CWF19L2: variants seen among roughly 807,000 people sequenced by gnomAD.
CWF19L2 encodes CWF19-like protein 2.
CWF19L2 carries 98 observed loss-of-function variants against 111.7 expected under a neutral mutation model. That is an observed-to-expected ratio of 0.88 (90% CI 0.75 to 1.04). The LOEUF is 1.04. CWF19L2 is among the 50% of genes least tolerant of loss of function. The pLI, the probability that CWF19L2 is intolerant of heterozygous loss-of-function variation, is 0.00. For missense variants in CWF19L2, 1,101 were observed against 1,051.4 expected, an observed-to-expected ratio of 1.05 and a Z score of -0.65; for synonymous variants, 351 against 342.9, an observed-to-expected ratio of 1.02 and a Z score of -0.26.
intron 17 of CWF19L2, among the ~76,000 whole-genome samples, chr11:107,327,265 C>G (rs1859775528): frequency 6.6e-6 from 1 of 152,138 alleles, no homozygotes; most frequent in Admixed American, 6.6e-5. Context: ...TTAGCTGCAT[C>G]TCCTATCAAG....
intron 12 of CWF19L2, among the ~76,000 whole-genome samples, chr11:107,379,797 C>T (rs549227254): frequency 9.2e-5 from 14 of 152,164 alleles, no homozygotes; most frequent in East Asian, 1.9e-4. Context: ...CGGTGGCTCA[C>T]GCCTGTAATC....
chr11:107,353,641 G>C lies in CWF19L2; in HGVS notation c.1968C>G (p.Asn656Lys). Residue 656 changes from asparagine (N) to lysine (K), a missense_variant, in exon 13 of 18, where the codon AAC becomes AAG. Transcript: ENST00000282251. ...ERERLGEEEENQRKKAIAEHR... is the reference protein window; with the variant it reads ...ERERLGEEEEKQRKKAIAEHR... ...GCTCAGCAATAGCTTTTTTCCTTTG[G>C]TTCTCTTCCTCTTCACCAAGACGTT... 6.2e-7 allele frequency: 1 copy of C among 1,613,628 alleles called. No individual in the cohort carries two copies. The highest frequency in any genetic ancestry group is 8.5e-7 in the Non-Finnish European group (1 of 1,179,738).
intron 12 of CWF19L2, among the ~76,000 whole-genome samples, chr11:107,383,087 C>T (rs574859929): frequency 6.6e-6 from 1 of 152,336 alleles, no homozygotes; most frequent in East Asian, 1.9e-4. Context: ...TTATGATAAC[C>T]TTTATAATAA....
intron 11 of CWF19L2, among the ~76,000 whole-genome samples, chr11:107,390,577 G>A (rs190324852): frequency 1.1e-3 from 173 of 152,298 alleles, no homozygotes; most frequent in African/African-American, 3.9e-3. Flanking sequence ...CAGAAATGGA[G>A]TAAGTATATC....
At chr11:107,389,782 T>C (rs948257264) in intron 12 of CWF19L2, among the ~76,000 whole-genome samples, 1 of 152,162 alleles carries the variant, frequency 6.6e-6, no homozygotes, top group African/African-American at 2.4e-5. Flanking sequence ...AATCATTAAC[T>C]CTGGCTTAAC....
intron 10 of CWF19L2, among the ~76,000 whole-genome samples, chr11:107,403,100 T>C (rs1020431309): frequency 4.6e-5 from 7 of 151,134 alleles, no homozygotes; most frequent in African/African-American, 7.3e-5. Context: ...TTGGGGACTT[T>C]AGGGAAAGAG....
At chr11:107,340,522 T>C (rs1021003919) in intron 14 of CWF19L2, among the ~76,000 whole-genome samples, 7 of 152,224 alleles carry the variant, frequency 4.6e-5, no homozygotes, top group Non-Finnish European at 8.8e-5. Flanking sequence ...AATTAATCTA[T>C]ATGTCTATCC....
At chr11:107,443,765 T>G (rs1861665023) in intron 3 of CWF19L2, among the ~76,000 whole-genome samples, 1 of 152,148 alleles carries the variant, frequency 6.6e-6, no homozygotes, top group South Asian at 2.1e-4. Flanking sequence ...TTTTGAGATT[T>G]CCCTTGATCT....
chr11:107,362,067 G>GA (rs1200103097), intron 12 of CWF19L2, among the ~76,000 whole-genome samples: 4 of 152,108 alleles, frequency 2.6e-5, no homozygotes, highest in Non-Finnish European at 4.4e-5. Context: ...GGTGACGGAC[G>GA]CACCTGGAAA....
At chr11:107,356,781 T>C (rs1222935016) in intron 12 of CWF19L2, among the ~76,000 whole-genome samples, 1 of 152,226 alleles carries the variant, frequency 6.6e-6, no homozygotes, top group African/African-American at 2.4e-5. Flanking sequence ...CTCATGCCTG[T>C]AATCCCAGCA....
intron 10 of CWF19L2, chr11:107,404,370 TG>T: frequency 1.3e-6 from 1 of 789,198 alleles, no homozygotes; most frequent in Non-Finnish European, 2.3e-6. Context: ...CTGTACCTCA[TG>T]TAGGGCATCA....
rs558427324 is a variant in CWF19L2 at position 107,435,802 on chromosome 11, A to G, written c.665-2053T>C. 1.4e-4 allele frequency among the ~76,000 whole-genome samples: 21 copies of G among 152,286 alleles called. No individual in the cohort carries two copies. The East Asian group carries it at 3.5e-3, about 25-fold the overall frequency. ...AGTACCATCCCAAAATTCAATAAAA[A>G]AAAATTTAGTCAATATTTATTATGA... On this transcript the variant is annotated intron_variant, in intron 6 of 17. Transcript: ENST00000282251.
Position 107,431,352 on chromosome 11 carries a change from A to G in CWF19L2, c.781-1901T>C, listed in dbSNP as rs1039059189. 6.2e-4 allele frequency among the ~76,000 whole-genome samples: 94 copies of G among 152,108 alleles called. 1 individual carries two copies. Among genetic ancestry groups the G allele is most frequent in the African/African-American group, 2.2e-3 (92 of 41,576 alleles). ...AGAAAACATTTTTAAAATTCAATTT[A>G]TAATATAAAAAAATAAAAATAACCT... On this transcript the variant is annotated intron_variant, in intron 7 of 17. Transcript: ENST00000282251.
At position 107,336,102 on chromosome 11, in the gene CWF19L2, T is replaced by A. The variant is rs539603771; in HGVS notation, c.2358+456A>T. On this transcript the variant is annotated intron_variant, in intron 15 of 17. Transcript: ENST00000282251. ...TGGGCGTAGTGGTGCATGCCTGTAG[T>A]CCCAACTACTCAGGAGGCTGAGACA... Among the ~76,000 whole-genome samples the A allele has an allele frequency of 5.5e-4, 84 of 152,108 alleles. 1 individual carries two copies. In the South Asian group the frequency reaches 0.017, roughly 30 times the overall value.
At chr11:107,327,332 G>A (rs1306992713) in intron 17 of CWF19L2, among the ~76,000 whole-genome samples, 1 of 151,948 alleles carries the variant, frequency 6.6e-6, no homozygotes, top group Non-Finnish European at 1.5e-5. Context: ...CAAAGGGGAG[G>A]GAAAACAAGT....
chr11:107,419,051 A>G (rs1180931423), intron 8 of CWF19L2, among the ~76,000 whole-genome samples: 1 of 152,228 alleles, frequency 6.6e-6, no homozygotes, highest in Non-Finnish European at 1.5e-5. Flanking sequence ...AAAATCCCAG[A>G]GAACTGCAGA....
At chr11:107,415,733 A>C (rs551181507) in intron 10 of CWF19L2, among the ~76,000 whole-genome samples, 1 of 152,350 alleles carries the variant, frequency 6.6e-6, no homozygotes, top group African/African-American at 2.4e-5. Flanking sequence ...ATAGAAAACT[A>C]AATTTTTTAA....
At chr11:107,331,120 A>C (rs1591145268) in intron 16 of CWF19L2, among the ~76,000 whole-genome samples, 1 of 152,232 alleles carries the variant, frequency 6.6e-6, no homozygotes, top group Admixed American at 6.5e-5. Context: ...TTGTGGCTTT[A>C]ATTTTTCTAT....
chr11:107,348,004 T>C (rs1296715564), intron 14 of CWF19L2, among the ~76,000 whole-genome samples: 1 of 152,170 alleles, frequency 6.6e-6, no homozygotes, highest in Non-Finnish European at 1.5e-5. Context: ...CTACTGGCAC[T>C]GGCATCCACT....
Sources: allele counts gnomAD v4.1 joint callset (sites outside exome capture counted in the v4.1 genomes callset), GRCh38; gene constraint gnomAD v4.1.1; transcripts MANE v1.5; gene names NCBI Gene and HGNC (gene_info 2026-07-23, HGNC 2026-07-21).